Variants in RNF43 observed in about 807,000 individuals in gnomAD.
RNF43 encodes the protein ring finger protein 43, also known as E3 ubiquitin-protein ligase RNF43.
Under a neutral mutation model 78.4 loss-of-function variants are expected in RNF43, and 37 were observed. The ratio of observed to expected loss-of-function variants is 0.47; its 90% confidence interval spans 0.36 to 0.62. RNF43 has a LOEUF of 0.62. RNF43 is among the 20% of genes least tolerant of loss of function. The pLI, the probability that RNF43 is intolerant of heterozygous loss-of-function variation, is 0.00. For missense variants in RNF43, 774 were observed against 1,007.9 expected, an observed-to-expected ratio of 0.77 and a Z score of 3.14; for synonymous variants, 347 against 395.0, an observed-to-expected ratio of 0.88 and a Z score of 1.44.
At chr17:58,362,677 C>A (rs2143461382) in intron 5 of RNF43, 29 bp from the exon 6 acceptor site, 2 of 1,558,400 alleles carry the variant, frequency 1.3e-6, no homozygotes, top group South Asian at 2.3e-5. Context: ...GGGAAAGGGT[C>A]ATACTTCCGG....
chr17:58,367,799 T>C (rs911294429), intron 3 of RNF43, among the ~76,000 whole-genome samples: 2 of 152,068 alleles, frequency 1.3e-5, no homozygotes, highest in Middle Eastern at 3.4e-3. Flanking sequence ...AGATAACAAA[T>C]GGAAGGAAAA....
intron 2 of RNF43, among the ~76,000 whole-genome samples, chr17:58,387,381 T>C (rs1203371936): frequency 6.6e-6 from 1 of 152,204 alleles, no homozygotes; most frequent in Non-Finnish European, 1.5e-5. Context: ...CTGGGTGCGG[T>C]GGCTCACACC....
intron 2 of RNF43, among the ~76,000 whole-genome samples, chr17:58,376,274 A>G (rs1973202466): frequency 6.6e-6 from 1 of 152,168 alleles, no homozygotes; most frequent in Non-Finnish European, 1.5e-5. Context: ...GGTTTTCATA[A>G]AACTCTGGGA....
intron 2 of RNF43, among the ~76,000 whole-genome samples, chr17:58,384,000 TCAGCTCTC>T (rs1270612255): frequency 1.3e-5 from 2 of 152,072 alleles, no homozygotes; most frequent in Non-Finnish European, 2.9e-5. Context: ...GGCAGCTTGA[TCAGCTCTC>T]CAGCCTATCC....
chr17:58,400,088 G>C (rs188114578), intron 2 of RNF43, among the ~76,000 whole-genome samples: 16 of 152,270 alleles, frequency 1.1e-4, no homozygotes, highest in African/African-American at 3.9e-4. Flanking sequence ...CATTGATCAT[G>C]GAAGGAAGCT....
chr17:58,404,519 T>C (rs990330638), intron 2 of RNF43, among the ~76,000 whole-genome samples: 2 of 152,220 alleles, frequency 1.3e-5, no homozygotes, highest in African/African-American at 4.8e-5. Flanking sequence ...ATGTATGTCA[T>C]AGAGTTTACT....
At chr17:58,365,504 C>T (rs1598135800) in intron 3 of RNF43, among the ~76,000 whole-genome samples, 1 of 152,172 alleles carries the variant, frequency 6.6e-6, no homozygotes, top group Non-Finnish European at 1.5e-5. Context: ...ATTACTGTGA[C>T]ATTCAAACAC....
chr17:58,407,069 ATTTTTTTTTT>A (rs35270032), intron 2 of RNF43, among the ~76,000 whole-genome samples: 4 of 74,182 alleles, frequency 5.4e-5, no homozygotes, highest in African/African-American at 1.1e-4. Flanking sequence ...AGAGACCAGA[ATTTTTTTTTT>A]TTTTTTTTTT....
chr17:58,390,634 A>G (rs192258863), intron 2 of RNF43, among the ~76,000 whole-genome samples: 2 of 152,334 alleles, frequency 1.3e-5, no homozygotes, highest in Non-Finnish European at 2.9e-5. Flanking sequence ...GATGCTTACA[A>G]TCAGTTGTAC....
At chr17:58,400,072 TCA>T in intron 2 of RNF43, among the ~76,000 whole-genome samples, 1 of 152,226 alleles carries the variant, frequency 6.6e-6, no homozygotes, top group Non-Finnish European at 1.5e-5. Flanking sequence ...GTGTCAGTGA[TCA>T]CCTCATTGAT....
In RNF43 at chr17:58,397,317, C is replaced by CCAATTTGAG. The variant is rs1311829822; in HGVS notation, c.252+18008_252+18009insCTCAAATTG. On this transcript the variant is annotated intron_variant, in intron 2 of 9. Coordinates refer to ENST00000407977, the MANE Select transcript of RNF43 (RefSeq NM_017763.6). Reference sequence around the variant, plus strand: ...GATAATTCTACCTAATTCTCAAATACAACTACCAATTATGGAACAGAATAT... The same window carrying CCAATTTGAG: ...GATAATTCTACCTAATTCTCAAATACCAATTTGAGAACTACCAATTATGGAACAGAATAT... 3.3e-5 allele frequency among the ~76,000 whole-genome samples: 5 copies of CCAATTTGAG among 152,118 alleles called. No homozygotes were observed. In the East Asian group the frequency reaches 9.6e-4, roughly 29 times the overall value.
chr17:58,413,121 A>T (rs1021797860), intron 2 of RNF43, among the ~76,000 whole-genome samples: 1 of 152,178 alleles, frequency 6.6e-6, no homozygotes, highest in Admixed American at 6.5e-5. Context: ...AGGCTTGGCT[A>T]ACCACAGTTG....
At chr17:58,377,980 G>A (rs1273619542) in intron 2 of RNF43, among the ~76,000 whole-genome samples, 1 of 152,054 alleles carries the variant, frequency 6.6e-6, no homozygotes. Flanking sequence ...GAAAAAAACA[G>A]GTTGGCCTGA....
At position 58,357,979 on chromosome 17, in the gene RNF43, G is replaced by A. The variant is rs2143399681; in HGVS notation, c.1797C>T (p.Thr599=). ...PEPPSPDQQV[T]RSNSAAPSGR... Reference sequence around the variant, plus strand: ...CCGAAGGGGCTGCTGAGTTGGATCTGGTGACTTGCTGATCAGGAGAAGGTG... The same window carrying A: ...CCGAAGGGGCTGCTGAGTTGGATCTAGTGACTTGCTGATCAGGAGAAGGTG... Residue 599 remains threonine, a synonymous_variant, in exon 9 of 10, where the codon ACC becomes ACT. Coordinates refer to ENST00000407977, the MANE Select transcript of RNF43 (RefSeq NM_017763.6). The surrounding 1 kb of genome is among the most constrained non-coding windows in gnomAD (Gnocchi z 4.5). 6.2e-7 allele frequency: 1 copy of A among 1,609,172 alleles called. No homozygotes were observed. The highest frequency in any genetic ancestry group is 8.5e-7 in the Non-Finnish European group (1 of 1,177,870).
At position 58,360,348 on chromosome 17, in the gene RNF43, T is replaced by C. The variant is rs1276551701; in HGVS notation, c.850-97A>G. 5 of 813,408 alleles carry C rather than the reference T, an allele frequency of 6.1e-6. No homozygotes were observed. The highest frequency in any genetic ancestry group is 1.0e-5 in the Non-Finnish European group (5 of 482,554). The allele number at this position is 813,408 out of a possible 1,614,324, so 50.4% of individuals were successfully genotyped here. On this transcript the variant is annotated intron_variant, in intron 7 of 9. Coordinates refer to ENST00000407977, the MANE Select transcript of RNF43 (RefSeq NM_017763.6). This position sits in a 1 kb window ranked among gnomAD's most constrained non-coding sequence, Gnocchi z 4.3. Reference sequence around the variant, plus strand: ...CCAACTCCCTTAGGCCTCTCCTTGCTATTATCTACTTGTAAAAGACCTCAC... The same window carrying C: ...CCAACTCCCTTAGGCCTCTCCTTGCCATTATCTACTTGTAAAAGACCTCAC...
intron 2 of RNF43, among the ~76,000 whole-genome samples, chr17:58,395,244 A>T (rs1005293349): frequency 5.9e-5 from 9 of 152,242 alleles, no homozygotes; most frequent in African/African-American, 2.2e-4. Context: ...ACAGCCAAAT[A>T]GTCTGTCATA....
chr17:58,380,771 G>C, intron 2 of RNF43, among the ~76,000 whole-genome samples: 1 of 152,204 alleles, frequency 6.6e-6, no homozygotes, highest in South Asian at 2.1e-4. Flanking sequence ...GTGCGAAATA[G>C]CTTCATTAAC....
At chr17:58,372,132 A>G (rs544275146) in intron 2 of RNF43, among the ~76,000 whole-genome samples, 11 of 152,310 alleles carry the variant, frequency 7.2e-5, no homozygotes, top group Admixed American at 3.9e-4. Context: ...AGAAAGAACC[A>G]TCAGAGGAAC....
At chr17:58,380,176 C>T (rs914612774) in intron 2 of RNF43, among the ~76,000 whole-genome samples, 4 of 152,206 alleles carry the variant, frequency 2.6e-5, no homozygotes, top group Admixed American at 2.6e-4. Flanking sequence ...GTTCTGACCA[C>T]TGTCCCAGGA....
Sources: gnomAD v4.1 joint callset for allele counts (sites outside exome capture counted in the v4.1 genomes callset) on GRCh38, gnomAD v4.1.1 for gene constraint, Gnocchi (gnomAD v3.1) non-coding constraint, MANE v1.5 for transcripts, NCBI Gene and HGNC (gene_info 2026-07-23, HGNC 2026-07-21) for gene names.